Variants in TMEM235 observed in about 807,000 individuals in gnomAD.
The protein encoded by TMEM235 is transmembrane protein 235, also known as claudin-27.
Under a neutral mutation model 22.9 loss-of-function variants are expected in TMEM235, and 23 were observed. That is an observed-to-expected ratio of 1.00 (90% CI 0.72 to 1.42). The LOEUF is 1.42. Among genes scored for constraint, TMEM235 ranks in the 40% most tolerant of loss-of-function variants. TMEM235 has a pLI of 0.00. For synonymous variants in TMEM235, 137 were observed against 140.5 expected (o/e 0.98, Z 0.17); for missense variants, 308 against 299.5 (o/e 1.03, Z -0.21).
In TMEM235 at chr17:78,231,404, T is replaced by A. The variant is rs1377785917; in HGVS notation, c.-592-28T>A. On this transcript the variant is annotated intron_variant, in intron 1 of 5. Coordinates refer to ENST00000421688, the Ensembl canonical transcript of TMEM235. ...GGGGGCATTTGTAATTATGAGTGAA[T>A]CCAAAACAAGGTTTTTTCCTTCCGC... is the stretch of plus-strand genomic sequence containing the variant. The A allele has an allele frequency of 2.3e-6, 3 of 1,282,120 alleles. No homozygotes were observed. In the African/African-American group the frequency reaches 4.6e-5, roughly 20 times the overall value. 79.4% of individuals were successfully genotyped at this position (1,282,120 alleles called of 1,614,324 possible). A position where few individuals can be genotyped will look rare whatever the true frequency, so the allele number is the denominator to read the frequency against.
rs753914379 is a variant in TMEM235, at chr17:78,238,866, A to G, written c.410-158A>G. Among the ~76,000 whole-genome samples the G allele has an allele frequency of 2.6e-4, 39 of 152,078 alleles. No homozygotes were observed. The highest frequency in any genetic ancestry group is 4.9e-4 in the Non-Finnish European group (33 of 68,000). ...GGGAGAGGCGGCCAGGTTGACAGCC[A>G]GGCAGGGCTAACCATGACAGGAAGG... On this transcript the variant is annotated intron_variant, in intron 4 of 5. Coordinates refer to ENST00000421688, the Ensembl canonical transcript of TMEM235. This position sits in a 1 kb window ranked among gnomAD's most constrained non-coding sequence, Gnocchi z 4.3.
chr17:78,231,454 C>T (rs979416192), exon 2 of TMEM235: 1 of 1,302,184 alleles, frequency 7.7e-7, no homozygotes, highest in Non-Finnish European at 1.0e-6. Flanking sequence ...CTGTGGGGCC[C>T]AGCCACTGCA....
chr17:78,238,994 G>A lies in TMEM235; in HGVS notation c.410-30G>A, dbSNP rs1349013504. 8 of 1,524,442 alleles carry A rather than the reference G, an allele frequency of 5.2e-6. No individual in the cohort carries two copies. The highest frequency in any genetic ancestry group is 4.1e-5 in the African/African-American group (3 of 72,822). 94.4% of individuals were successfully genotyped at this position (1,524,442 alleles called of 1,614,324 possible). A position where few individuals can be genotyped will look rare whatever the true frequency, so the allele number is the denominator to read the frequency against. On this transcript the variant is annotated intron_variant, in intron 4 of 5. Transcript: ENST00000421688. The surrounding 1 kb of genome is among the most constrained non-coding windows in gnomAD (Gnocchi z 4.3). ...GCCTGGGCCCGCTAGAGCAGACACC[G>A]AGCAGCTGCCCTCCCCATCTCTCCC...
chr17:78,231,973 G>GCCC, exon 2 of TMEM235: 1 of 780,726 alleles, frequency 1.3e-6, no homozygotes, highest in Non-Finnish European at 1.5e-6. Flanking sequence ...GCCCCCCGCC[G>GCCC]CCCCCGGGGC....
rs905133048 is a variant in TMEM235 at position 78,237,935 on chromosome 17, C to G, written c.410-1089C>G. 9.9e-5 allele frequency among the ~76,000 whole-genome samples: 15 copies of G among 152,198 alleles called. No individual in the cohort carries two copies. Among genetic ancestry groups the G allele is most frequent in the African/African-American group, 3.6e-4 (15 of 41,446 alleles). ...AAGACCAGGCTGTGTTGTGCCCCTT[C>G]ACTGGGCACCAGTGAGATCCAGACC... On this transcript the variant is annotated intron_variant, in intron 4 of 5. Coordinates refer to ENST00000421688, the Ensembl canonical transcript of TMEM235. This position sits in a 1 kb window ranked among gnomAD's most constrained non-coding sequence, Gnocchi z 4.7.
At chr17:78,239,757 A>T in intron 5 of TMEM235, 23 bp from the exon 5 acceptor site, 1 of 1,530,684 alleles carries the variant, frequency 6.5e-7, no homozygotes, top group East Asian at 2.5e-5. Context: ...CTACTCAATG[A>T]CTACCCTTTA....
At chr17:78,232,037 G>A in exon 2 of TMEM235, 2 of 1,305,676 alleles carry the variant, frequency 1.5e-6, no homozygotes, top group Non-Finnish European at 1.9e-6. Flanking sequence ...GCCCGGCTGG[G>A]CGCGCTGCTC....
Position 78,239,081 on chromosome 17 carries a change from C to T in TMEM235, c.467C>T (p.Ala156Val), listed in dbSNP as rs200061211. 1.0e-3 allele frequency: 1,544 copies of T among 1,544,366 alleles called. 1 individual carries two copies. The highest frequency in any genetic ancestry group is 1.2e-3 in the Non-Finnish European group (1,415 of 1,146,910). The change falls in exon 5 of 6, where the codon GCG (alanine) becomes GTG (valine). Residue 156 changes from alanine (A) to valine (V), a missense_variant. By Grantham distance (64) the Ala-to-Val change is moderately conservative (BLOSUM62 0). This residue lies in a region of TMEM235 where 285 missense variants were observed against 256.2 expected (regional missense o/e 1.11). Transcript: ENST00000421688. ...ATCAGCTACTCGCACCTGGCCTTTG[C>T]GGAGACGGTGCAGCAGTATGGCCCG... is the stretch of plus-strand genomic sequence containing the variant.
chr17:78,234,002 C>T, intron 3 of TMEM235, 27 bp downstream of exon 2: 6 of 1,491,492 alleles, frequency 4.0e-6, no homozygotes, highest in Non-Finnish European at 5.4e-6. Flanking sequence ...GCCACCTCCC[C>T]ATCCTTTCCA....
intron 2 of TMEM235, among the ~76,000 whole-genome samples, chr17:78,233,015 G>A (rs1331439451): frequency 2.6e-5 from 4 of 152,222 alleles, no homozygotes; most frequent in African/African-American, 9.6e-5. Context: ...ATGAGTGAGT[G>A]CATGTGTGGG....
rs1026629015 is a variant in TMEM235 at position 78,239,393 on chromosome 17, T to TG, written c.659+125dup. 141 of 1,235,134 alleles carry TG rather than the reference T, an allele frequency of 1.1e-4. 1 individual carries two copies. Among genetic ancestry groups the TG allele is most frequent in the Middle Eastern group, 8.5e-4 (3 of 3,544 alleles). 76.5% of individuals were successfully genotyped at this position (1,235,134 alleles called of 1,614,324 possible). ...GCTGGGGTCCTGGCCAGGAAGGGGCTGGGGGTGACAAGGGGTGGAGGGCAG... is the reference window on the plus strand; with the variant it reads ...GCTGGGGTCCTGGCCAGGAAGGGGCTGGGGGGTGACAAGGGGTGGAGGGCAG... On this transcript the variant is annotated intron_variant, in intron 5 of 5. Coordinates refer to ENST00000421688, the Ensembl canonical transcript of TMEM235.
chr17:78,237,569 T>C lies in TMEM235; in HGVS notation c.410-1455T>C, dbSNP rs1428365034. Among the ~76,000 whole-genome samples the C allele has an allele frequency of 1.3e-5, 2 of 151,962 alleles. No homozygotes were observed. The highest frequency in any genetic ancestry group is 4.8e-5 in the African/African-American group (2 of 41,380). Reference sequence around the variant, plus strand: ...CCAGGCTACAGGAGGCAGCTGGTGTTTGGAGAGGGCTCAGCTGGTGGGGCG... The same window carrying C: ...CCAGGCTACAGGAGGCAGCTGGTGTCTGGAGAGGGCTCAGCTGGTGGGGCG... On this transcript the variant is annotated intron_variant, in intron 4 of 5. Transcript: ENST00000421688. The surrounding 1 kb of genome is among the most constrained non-coding windows in gnomAD (Gnocchi z 4.7).
Position 78,238,447 on chromosome 17 carries a change from G to A in TMEM235, c.410-577G>A, listed in dbSNP as rs1234951213. Among the ~76,000 whole-genome samples, 4 of 152,064 alleles carry A rather than the reference G, an allele frequency of 2.6e-5. No homozygotes were observed. The East Asian group carries it at 7.8e-4, about 30-fold the overall frequency. On this transcript the variant is annotated intron_variant, in intron 4 of 5. Transcript: ENST00000421688. This position sits in a 1 kb window ranked among gnomAD's most constrained non-coding sequence, Gnocchi z 4.3. ...AGGGAGGGGGATGTTAGCCCCGGAG[G>A]TAGGGAGGGCAAAGGTGTGAGGAAG...
intron 2 of TMEM235, 45 bp downstream of exon 1, chr17:78,232,258 C>T (rs890475027): frequency 5.7e-6 from 8 of 1,411,914 alleles, no homozygotes; most frequent in Non-Finnish European, 7.4e-6. Context: ...CGACCTCGTC[C>T]CTCCGACACC....
At chr17:78,233,572 G>A (rs2076607742) in intron 2 of TMEM235, among the ~76,000 whole-genome samples, 1 of 152,136 alleles carries the variant, frequency 6.6e-6, no homozygotes, top group South Asian at 2.1e-4. Flanking sequence ...GCGGGTGCCT[G>A]TAGTCCCAGC....
intron 2 of TMEM235, 125 bp from the exon 2 acceptor site, chr17:78,233,770 C>T (rs2076610820): frequency 2.8e-6 from 2 of 720,642 alleles, no homozygotes; most frequent in East Asian, 5.6e-5. Flanking sequence ...GGAGTCCCAG[C>T]CCTGAGTTTC....
Position 78,239,105 on chromosome 17 carries a change from C to A in TMEM235, c.491C>A (p.Pro164Gln), listed in dbSNP as rs1318573879. The A allele has an allele frequency of 9.1e-6, 14 of 1,543,976 alleles. No individual in the cohort carries two copies. The South Asian group carries it at 1.3e-4, about 14-fold the overall frequency. Reference sequence around the variant, plus strand: ...GCGGAGACGGTGCAGCAGTATGGCCCGCAGCACATGCAGGGCGTCCGCGTC... The same window carrying A: ...GCGGAGACGGTGCAGCAGTATGGCCAGCAGCACATGCAGGGCGTCCGCGTC... The change falls in exon 5 of 6, where the codon CCG becomes CAG. Residue 164 changes from proline to glutamine, a missense_variant. By Grantham distance (76) the Pro-to-Gln change is moderately conservative (BLOSUM62 -1). Coordinates refer to ENST00000421688, the Ensembl canonical transcript of TMEM235.
exon 2 of TMEM235, chr17:78,231,594 T>C (rs1279526597): frequency 2.3e-6 from 3 of 1,303,698 alleles, no homozygotes. Flanking sequence ...GCCATCCTCC[T>C]GGGGTCGGTC....
intron 2 of TMEM235, 41 bp from the exon 2 acceptor site, chr17:78,233,854 A>G (rs1227716404): frequency 1.3e-6 from 2 of 1,526,350 alleles, no homozygotes; most frequent in Admixed American, 2.0e-5. Flanking sequence ...TGGGTGCACC[A>G]CAGCGTCCAG....
Sources: gnomAD v4.1 joint callset for allele counts (sites outside exome capture counted in the v4.1 genomes callset) on GRCh38, gnomAD v4.1.1 for gene constraint, gnomAD v4.1.1 regional missense constraint, Gnocchi (gnomAD v3.1) non-coding constraint, MANE v1.5 for transcripts, NCBI Gene and HGNC (gene_info 2026-07-23, HGNC 2026-07-21) for gene names.